Variants in PASK observed in about 807,000 individuals in gnomAD.
PASK encodes PAS domain containing serine/threonine kinase, also known as PAS domain-containing serine/threonine-protein kinase.
In PASK, 110 loss-of-function variants were observed where a neutral mutation model predicts 121.0. The ratio of observed to expected loss-of-function variants is 0.91; its 90% CI spans 0.78 to 1.06. The LOEUF (loss-of-function observed/expected upper bound fraction) is 1.06, where lower values mean the gene tolerates loss of function less well. Among genes scored for constraint, PASK ranks in the 50% least tolerant of loss-of-function variants. The pLI, the probability that PASK is intolerant of heterozygous loss-of-function variation, is 0.00. For missense variants in PASK, 1,643 were observed against 1,702.3 expected (o/e 0.97, Z 0.61); for synonymous variants, 686 against 717.8 (o/e 0.96, Z 0.71).
At chr2:241,125,826 G>T (rs1346900128) in intron 10 of PASK, among the ~76,000 whole-genome samples, 1 of 152,030 alleles carries the variant, frequency 6.6e-6, no homozygotes. Context: ...CTGAGGTGGG[G>T]GCTGGTGGGA....
chr2:241,139,351 G>GCCATGCCTTGGGCTTTTT (rs565231317), intron 4 of PASK, among the ~76,000 whole-genome samples: 2 of 152,144 alleles, frequency 1.3e-5, no homozygotes, highest in Non-Finnish European at 2.9e-5. Context: ...CCTACAATCA[G>GCCATGCCTTGGGCTTTTT]CCATGCCTTG....
In PASK at chr2:241,122,932, T is replaced by C. The variant is rs199498403; in HGVS notation, c.2905-33A>G. 6 of 1,609,602 alleles carry C rather than the reference T, an allele frequency of 3.7e-6. No homozygotes were observed. In the Admixed American group the frequency reaches 5.0e-5, roughly 13 times the overall value. ...GCAGAAGAAGGTCTGTGGGGTCACATGCAACTGCACCGGGCAGAGGTGCAG... is the reference window on the plus strand; with the variant it reads ...GCAGAAGAAGGTCTGTGGGGTCACACGCAACTGCACCGGGCAGAGGTGCAG... On this transcript the variant is annotated intron_variant, in intron 11 of 17. Coordinates refer to ENST00000234040, the MANE Select transcript of PASK (RefSeq NM_015148.4).
intron 12 of PASK, 100 bp downstream of exon 12, chr2:241,122,632 G>C (rs1256898500): frequency 1.8e-6 from 2 of 1,108,504 alleles, no homozygotes; most frequent in African/African-American, 1.5e-5. Flanking sequence ...GCCATACCTA[G>C]AGGACTCCTC....
chr2:241,124,323 G>A (rs542523578), intron 10 of PASK, among the ~76,000 whole-genome samples, 190 bp from the exon 11 acceptor site: 1 of 152,348 alleles, frequency 6.6e-6, no homozygotes, highest in South Asian at 2.1e-4. Flanking sequence ...AGGCCTGGAG[G>A]AAAGCTGTCA....
chr2:241,128,466 C>T (rs895443396), intron 9 of PASK, among the ~76,000 whole-genome samples: 6 of 152,316 alleles, frequency 3.9e-5, no homozygotes, highest in African/African-American at 1.4e-4. Context: ...TCAGCCCAGC[C>T]ACTGGCCTCC....
At chr2:241,143,596 T>C (rs1162364526) in intron 1 of PASK, among the ~76,000 whole-genome samples, 1 of 145,326 alleles carries the variant, frequency 6.9e-6, no homozygotes, top group Non-Finnish European at 1.5e-5. Flanking sequence ...GAAAAATACA[T>C]AGGAAGATAT....
In PASK at chr2:241,132,857, C is replaced by G. The variant is rs377668831; in HGVS notation, c.1463+17G>C. 5.6e-6 allele frequency: 9 copies of G among 1,608,954 alleles called. No individual in the cohort carries two copies. The African/African-American group carries it at 1.2e-4, about 21-fold the overall frequency. On this transcript the variant is annotated intron_variant, in intron 9 of 17. Coordinates refer to ENST00000234040, the MANE Select transcript of PASK (RefSeq NM_015148.4). ...TGGACTTTTAGTAAACCTGCAACCTCCCACCAAGGGACTTACCCTGGAGCA... is the reference window on the plus strand; with the variant it reads ...TGGACTTTTAGTAAACCTGCAACCTGCCACCAAGGGACTTACCCTGGAGCA...
chr2:241,127,663 G>A (rs1008284134), intron 9 of PASK: 4 of 593,728 alleles, frequency 6.7e-6, no homozygotes, highest in Non-Finnish European at 1.2e-5. Flanking sequence ...TGATTTTGCA[G>A]AGAATGCTAC....
chr2:241,142,197 A>G (rs1013681465), intron 2 of PASK, among the ~76,000 whole-genome samples: 1 of 152,076 alleles, frequency 6.6e-6, no homozygotes, highest in Non-Finnish European at 1.5e-5. Context: ...GTGCTCCTTG[A>G]CCTGGAGACC....
intron 1 of PASK, among the ~76,000 whole-genome samples, chr2:241,145,577 G>C (rs2066914682): frequency 6.6e-6 from 1 of 151,908 alleles, no homozygotes; most frequent in Non-Finnish European, 1.5e-5. Flanking sequence ...TATAAAATAA[G>C]ATTAATAAGT....
chr2:241,107,538 G>T (rs759574094), intron 16 of PASK, 39 bp from the exon 17 acceptor site: 1 of 1,600,460 alleles, frequency 6.2e-7, no homozygotes, highest in Non-Finnish European at 8.6e-7. Context: ...GTCCAGATTG[G>T]GATGAAGTGG....
At chr2:241,143,586 G>A (rs1427488070) in intron 1 of PASK, among the ~76,000 whole-genome samples, 2 of 151,800 alleles carry the variant, frequency 1.3e-5, no homozygotes, top group African/African-American at 4.8e-5. Context: ...CTCTTTCCAA[G>A]AAAAATACAT....
At chr2:241,137,401 G>T in intron 6 of PASK, 137 bp from the exon 7 acceptor site, 1 of 760,186 alleles carries the variant, frequency 1.3e-6, no homozygotes, top group Non-Finnish European at 2.4e-6. Context: ...ACACTGCTCT[G>T]CCTTCCCTCT....
At position 241,126,353 on chromosome 2, in the gene PASK, G is replaced by C. The variant is rs2065863351; in HGVS notation, c.2562C>G (p.Gly854=). The change falls in exon 10 of 18, where the codon GGC becomes GGG. Residue 854 remains glycine, a synonymous_variant. Transcript: ENST00000234040. Reference sequence around the variant, plus strand: ...CTGCTGATGGGCACGTGTCCTCAGGGCCAGCATCCAACGTGGAAGGAACGT... The same window carrying C: ...CTGCTGATGGGCACGTGTCCTCAGGCCCAGCATCCAACGTGGAAGGAACGT... The part of the protein sequence containing the change: ...PGHVPSTLDA[G]PEDTCPSAEE... 6.2e-7 allele frequency: 1 copy of C among 1,614,088 alleles called. No individual in the cohort carries two copies. Among genetic ancestry groups the C allele is most frequent in the South Asian group, 1.1e-5 (1 of 91,086 alleles).
rs765374524 is a variant in PASK at position 241,142,914 on chromosome 2, G to A, written c.119C>T (p.Ser40Leu). The change falls in exon 2 of 18, where the codon TCG (serine) becomes TTG (leucine). Residue 40 changes from serine (S) to leucine (L), a missense_variant. Coordinates refer to ENST00000234040, the MANE Select transcript of PASK (RefSeq NM_015148.4). Reference protein sequence around the residue: ...AAQTTAEPSRSFSSAHRHLSR... With the variant: ...AAQTTAEPSRLFSSAHRHLSR... ...CAGGTGTCTGTGGGCTGAGGAAAAC[G>A]ACCTGCTGGGCTCAGCAGTGGTCTG... 4.3e-6 allele frequency: 7 copies of A among 1,613,976 alleles called. No individual in the cohort carries two copies. The highest frequency in any genetic ancestry group is 4.0e-5 in the African/African-American group (3 of 75,028).
chr2:241,125,301 CAAAAAATAA>C (rs1243375033), intron 10 of PASK, among the ~76,000 whole-genome samples: 1 of 142,726 alleles, frequency 7.0e-6, no homozygotes, highest in Non-Finnish European at 1.5e-5. Flanking sequence ...GACTCTGTCT[CAAAAAATAA>C]AAAAAATAGG....
Position 241,107,459 on chromosome 2 carries a change from A to C in PASK, c.3708T>G (p.Pro1236=). ...GCTTCTCCAAGGTGGTGCGTCTCTC[A>C]GGGACTGGCTGCAGCAGCCCAGACA... ...SLVSGLLQPV[P]ERRTTLEKLV... is the part of the protein sequence containing the mutation. Residue 1236 remains proline (P), a synonymous_variant, in exon 17 of 18, where the codon CCT becomes CCG. Transcript: ENST00000234040. 2.5e-6 allele frequency: 4 copies of C among 1,614,056 alleles called. No homozygotes were observed. The highest frequency in any genetic ancestry group is 3.4e-6 in the Non-Finnish European group (4 of 1,179,916).
At chr2:241,130,156 A>G (rs1363950946) in intron 9 of PASK, among the ~76,000 whole-genome samples, 2 of 152,166 alleles carry the variant, frequency 1.3e-5, no homozygotes, top group South Asian at 2.1e-4. Context: ...CCAGACTACA[A>G]TTCTTAGGGA....
At chr2:241,138,830 G>C in intron 4 of PASK, 36 bp from the exon 5 acceptor site, 1 of 1,611,438 alleles carries the variant, frequency 6.2e-7, no homozygotes. Flanking sequence ...TGCATGCCAT[G>C]AACCCAAAAG....
Sources: gnomAD v4.1 joint callset for allele counts (sites outside exome capture counted in the v4.1 genomes callset) on GRCh38, gnomAD v4.1.1 for gene constraint, MANE v1.5 for transcripts, NCBI Gene and HGNC (gene_info 2026-07-23, HGNC 2026-07-21) for gene names.